SV2C: variants seen among roughly 807,000 people sequenced by gnomAD.
The protein encoded by SV2C is solute carrier family 22 member B3.
In SV2C, 49 loss-of-function variants were observed where a neutral mutation model predicts 79.7. The ratio of observed to expected loss-of-function variants is 0.61; its 90% CI spans 0.49 to 0.78. The LOEUF is 0.78. Ranked by LOEUF, SV2C falls within the 30% of genes least tolerant of loss-of-function variation. The pLI is 0.00. For synonymous variants in SV2C, 334 were observed against 333.2 expected, an observed-to-expected ratio of 1.00 and a Z score of -0.03; for missense variants, 833 against 912.9, an observed-to-expected ratio of 0.91 and a Z score of 1.13.
chr5:76,005,265 A>G, the SV2C span, among the ~76,000 whole-genome samples: 1 of 152,190 alleles, frequency 6.6e-6, no homozygotes, highest in South Asian at 2.1e-4. Flanking sequence ...AAAGATATCT[A>G]CTAGGAGGGA....
At chr5:76,237,668 A>G (rs1487450651) in intron 4 of SV2C, among the ~76,000 whole-genome samples, 1 of 152,158 alleles carries the variant, frequency 6.6e-6, no homozygotes, top group Non-Finnish European at 1.5e-5. Flanking sequence ...TGTCTTTATC[A>G]TACCACATAC....
chr5:76,285,753 C>T lies in SV2C; in HGVS notation c.1048-28C>T, dbSNP rs374462437. Reference sequence around the variant, plus strand: ...GGGAGGGTAAGTGTGTCACTCCTAGCGCTTCACTGTCCACTCTCATTTCTT... The same window carrying T: ...GGGAGGGTAAGTGTGTCACTCCTAGTGCTTCACTGTCCACTCTCATTTCTT... On this transcript the variant is annotated intron_variant, in intron 5 of 12. Coordinates refer to ENST00000502798, the MANE Select transcript of SV2C (RefSeq NM_014979.4). The T allele has an allele frequency of 4.1e-5, 66 of 1,595,876 alleles. No homozygotes were observed. The African/African-American group carries it at 7.1e-4, about 17-fold the overall frequency.
chr5:76,123,889 A>T (rs992348860), intron 1 of SV2C, among the ~76,000 whole-genome samples: 1 of 152,184 alleles, frequency 6.6e-6, no homozygotes, highest in African/African-American at 2.4e-5. Flanking sequence ...TTCACTCCCA[A>T]ATAGTTAGAG....
intron 5 of SV2C, 59 bp downstream of exon 5, chr5:76,285,354 T>C (rs1747318792): frequency 1.1e-5 from 17 of 1,596,516 alleles, no homozygotes; most frequent in Non-Finnish European, 1.5e-5. Flanking sequence ...AAGTTCCTTG[T>C]TAATTCTAGG....
the SV2C span, among the ~76,000 whole-genome samples, chr5:76,034,169 A>T: frequency 2.6e-5 from 4 of 151,578 alleles, no homozygotes; most frequent in African/African-American, 9.7e-5. Flanking sequence ...GGGGTTTTCT[A>T]GATATACAAT....
Position 76,084,640 on chromosome 5 carries a change from T to C in SV2C, c.-102+1128T>C, listed in dbSNP as rs994815453. ...CCTGGACGGCCTGAGCTGGGGGCGC[T>C]CGCGTCACCTTCTACGTGTGCGAGT... On this transcript the variant is annotated intron_variant, in intron 1 of 12. Transcript: ENST00000502798. 5.2e-5 allele frequency among the ~76,000 whole-genome samples: 7 copies of C among 134,670 alleles called. No homozygotes were observed. The Admixed American group carries it at 5.5e-4, about 10-fold the overall frequency. 88.3% of individuals were successfully genotyped at this position (134,670 alleles called of 152,430 possible). A position where few individuals can be genotyped will look rare whatever the true frequency, so the allele number is the denominator to read the frequency against.
intron 4 of SV2C, among the ~76,000 whole-genome samples, chr5:76,243,989 A>C (rs183703311): frequency 1.3e-5 from 2 of 152,304 alleles, no homozygotes. Context: ...CTCTCTCTGC[A>C]TTCAGTTCTC....
chr5:76,205,786 C>A (rs533907537), intron 3 of SV2C, among the ~76,000 whole-genome samples: 8 of 152,228 alleles, frequency 5.3e-5, no homozygotes, highest in South Asian at 2.1e-4. Flanking sequence ...CCAACCCTAG[C>A]GCTATTAATA....
the SV2C span, among the ~76,000 whole-genome samples, chr5:75,879,483 G>C: frequency 6.6e-6 from 1 of 152,224 alleles, no homozygotes; most frequent in African/African-American, 2.4e-5. Context: ...CTGAAACCCA[G>C]AAGGGTAGTC....
the SV2C span, among the ~76,000 whole-genome samples, chr5:75,986,105 G>A: frequency 2.7e-5 from 4 of 146,058 alleles, no homozygotes; most frequent in South Asian, 2.3e-4. Context: ...GCCATTATTC[G>A]GCCTACCACA....
At chr5:76,147,005 G>A (rs1181591998) in intron 2 of SV2C, among the ~76,000 whole-genome samples, 2 of 152,058 alleles carry the variant, frequency 1.3e-5, no homozygotes, top group Admixed American at 6.6e-5. Context: ...GATGGGGAAT[G>A]GATTAGAATT....
the SV2C span, among the ~76,000 whole-genome samples, chr5:76,032,908 G>C: frequency 6.6e-6 from 1 of 152,148 alleles, no homozygotes; most frequent in Non-Finnish European, 1.5e-5. Flanking sequence ...TCCAGCACCT[G>C]TTGTTTCCTG....
At chr5:76,173,421 T>G (rs1743394076) in intron 2 of SV2C, among the ~76,000 whole-genome samples, 1 of 152,196 alleles carries the variant, frequency 6.6e-6, no homozygotes, top group South Asian at 2.1e-4. Flanking sequence ...TCTAGGACTA[T>G]TATATAAGTA....
At chr5:76,016,906 G>T in the SV2C span, among the ~76,000 whole-genome samples, 2 of 152,152 alleles carry the variant, frequency 1.3e-5, no homozygotes, top group Non-Finnish European at 2.9e-5. Context: ...AGGCAAAGGT[G>T]GTGCATGTCA....
In SV2C at chr5:76,131,625, A is replaced by G. The variant is rs146693117; in HGVS notation, c.-101-25A>G. The G allele has an allele frequency of 4.8e-4, 291 of 611,226 alleles. No homozygotes were observed. In the African/African-American group the frequency reaches 4.8e-3, roughly 10 times the overall value. The allele number at this position is 611,226 out of a possible 1,614,324, so 37.9% of individuals were successfully genotyped here. A position where few individuals can be genotyped will look rare whatever the true frequency, so the allele number is the denominator to read the frequency against. On this transcript the variant is annotated intron_variant, in intron 1 of 12. Transcript: ENST00000502798. Reference sequence around the variant, plus strand: ...ATATATATAGAAAGGAATAATAAGTATCTCCTCTATTTCTTCTTTCGCAGT... The same window carrying G: ...ATATATATAGAAAGGAATAATAAGTGTCTCCTCTATTTCTTCTTTCGCAGT...
chr5:75,871,060 G>T, the SV2C span, among the ~76,000 whole-genome samples: 23 of 152,062 alleles, frequency 1.5e-4, no homozygotes, highest in Non-Finnish European at 2.6e-4. Context: ...ATTAGATGAG[G>T]TTTATTTCAG....
At chr5:76,273,239 T>C (rs1746928565) in intron 4 of SV2C, among the ~76,000 whole-genome samples, 1 of 151,110 alleles carries the variant, frequency 6.6e-6, no homozygotes, top group Non-Finnish European at 1.5e-5. Flanking sequence ...TACTATATTA[T>C]TATCTATATA....
the SV2C span, among the ~76,000 whole-genome samples, chr5:76,034,422 C>T: frequency 6.6e-6 from 1 of 152,160 alleles, no homozygotes; most frequent in Non-Finnish European, 1.5e-5. Context: ...AGATACATCC[C>T]ATCAATACCT....
At chr5:76,257,420 G>GTTCCTACTTATTAA (rs1554043501) in intron 4 of SV2C, among the ~76,000 whole-genome samples, 1 of 151,544 alleles carries the variant, frequency 6.6e-6, no homozygotes, top group Admixed American at 6.6e-5. Context: ...GGTATGGTTT[G>GTTCCTACTTATTAA]TGTGTGGGTA....
Sources: gnomAD v4.1 joint callset for allele counts (sites outside exome capture counted in the v4.1 genomes callset) on GRCh38, gnomAD v4.1.1 for gene constraint, MANE v1.5 for transcripts, NCBI Gene and HGNC (gene_info 2026-07-23, HGNC 2026-07-21) for gene names.